The following NRF1 variants were observed in gnomAD, a reference collection of about 807,000 sequenced individuals.
NRF1 encodes nuclear respiratory factor 1, also known as alpha palindromic-binding protein.
In NRF1, 5 loss-of-function variants were observed where a neutral mutation model predicts 58.5. The ratio of observed to expected loss-of-function variants is 0.09; its 90% CI spans 0.04 to 0.18. NRF1 has a LOEUF of 0.18. Ranked by LOEUF, NRF1 falls within the 10% of genes least tolerant of loss-of-function variation. The pLI, the probability that NRF1 is intolerant of heterozygous loss-of-function variation, is 1.00. For synonymous variants in NRF1, 224 were observed against 246.7 expected (o/e 0.91, Z 0.86); for missense variants, 288 against 657.7 (o/e 0.44, Z 6.15).
At chr7:129,737,594 TC>T (rs5887443) in intron 10 of NRF1, among the ~76,000 whole-genome samples, 72,916 of 151,896 alleles carry the variant, frequency 0.48, 18,756 homozygotes, top group Non-Finnish European at 0.58. Context: ...TGTTCCTTGT[TC>T]CCTGGACACA....
intron 10 of NRF1, chr7:129,744,193 G>A: frequency 6.5e-7 from 1 of 1,544,970 alleles, no homozygotes; most frequent in South Asian, 1.2e-5. Flanking sequence ...GGCAGATCGT[G>A]CAGGTCGCAA....
At position 129,756,486 on chromosome 7, in the gene NRF1, GCCT is replaced by G. The variant is rs1804258962; in HGVS notation, c.*1310_*1312del. On this transcript the variant is annotated 3_prime_UTR_variant, in exon 11 of 11. Transcript: ENST00000393232. Reference sequence around the variant, plus strand: ...TCGTGGCCCAGGCCGGGAGCAGCTTGCCTCCTCAGAGGTGTTGACTATCTGGGT... The same window carrying G: ...TCGTGGCCCAGGCCGGGAGCAGCTTGCCTCAGAGGTGTTGACTATCTGGGT... 6.6e-6 allele frequency: 1 copy of G among 152,594 alleles called. No homozygotes were observed. Among genetic ancestry groups the G allele is most frequent in the Non-Finnish European group, 1.5e-5 (1 of 68,096 alleles). The allele number at this position is 152,594 out of a possible 1,614,324, so 9.5% of individuals were successfully genotyped here. A position where few individuals can be genotyped will look rare whatever the true frequency, so the allele number is the denominator to read the frequency against.
At chr7:129,614,566 C>CT (rs1320581613) in intron 1 of NRF1, among the ~76,000 whole-genome samples, 9 of 151,914 alleles carry the variant, frequency 5.9e-5, no homozygotes, top group African/African-American at 1.9e-4. Context: ...ATGCACCCAC[C>CT]TCAGCCTCCC....
At chr7:129,695,701 A>C (rs1802676846) in intron 5 of NRF1, among the ~76,000 whole-genome samples, 1 of 149,860 alleles carries the variant, frequency 6.7e-6, no homozygotes, top group African/African-American at 2.4e-5. Flanking sequence ...CTGGGAACAC[A>C]GAATTGATCT....
chr7:129,666,009 G>T (rs531719687), intron 2 of NRF1, among the ~76,000 whole-genome samples: 32 of 152,290 alleles, frequency 2.1e-4, no homozygotes, highest in Admixed American at 5.2e-4. Context: ...AAAGATTCAC[G>T]TGGTCTATAG....
chr7:129,670,224 G>C (rs1358989039), intron 2 of NRF1, among the ~76,000 whole-genome samples: 1 of 152,194 alleles, frequency 6.6e-6, no homozygotes, highest in Non-Finnish European at 1.5e-5. Context: ...GATGCAAGGG[G>C]AATAAGTTCT....
chr7:129,738,562 G>A (rs1374190769), intron 10 of NRF1, among the ~76,000 whole-genome samples: 5 of 152,228 alleles, frequency 3.3e-5, no homozygotes, highest in Admixed American at 2.0e-4. Context: ...TCAGTCGGCT[G>A]TAATTTTGCC....
intron 7 of NRF1, 28 bp from the exon 8 acceptor site, chr7:129,711,447 C>T (rs780311631): frequency 1.3e-6 from 2 of 1,569,312 alleles, no homozygotes; most frequent in East Asian, 2.3e-5. Flanking sequence ...TCCACTGACA[C>T]TTAACCACTT....
intron 10 of NRF1, among the ~76,000 whole-genome samples, chr7:129,727,951 C>A (rs1803487655): frequency 6.6e-6 from 1 of 152,124 alleles, no homozygotes; most frequent in Admixed American, 6.5e-5. Flanking sequence ...ACTTCCTGGA[C>A]ATTGGTGAAT....
At chr7:129,631,496 A>G (rs1008729279) in intron 1 of NRF1, among the ~76,000 whole-genome samples, 1 of 152,088 alleles carries the variant, frequency 6.6e-6, no homozygotes, top group African/African-American at 2.4e-5. Context: ...TTAAATTCCT[A>G]GCTCAATCAG....
At chr7:129,705,225 G>T (rs1248087081) in intron 5 of NRF1, among the ~76,000 whole-genome samples, 1 of 151,974 alleles carries the variant, frequency 6.6e-6, no homozygotes, top group African/African-American at 2.4e-5. Context: ...TATTATTACT[G>T]TTTTGCAGAT....
intron 6 of NRF1, among the ~76,000 whole-genome samples, chr7:129,709,817 G>T (rs749660349): frequency 6.9e-6 from 1 of 145,720 alleles, no homozygotes; most frequent in Non-Finnish European, 1.5e-5. Flanking sequence ...CGCAACCTCT[G>T]CCTCCCGGGT....
At chr7:129,619,394 GTGTATATATATATATATATATATATATA>G in intron 1 of NRF1, among the ~76,000 whole-genome samples, 1 of 46,630 alleles carries the variant, frequency 2.1e-5, no homozygotes, top group South Asian at 8.3e-4. Context: ...CTTGGCATAC[GTGTATATATATATATATATATATATATA>G]TATATATATA....
chr7:129,618,680 G>GT (rs1800705351), intron 1 of NRF1, among the ~76,000 whole-genome samples: 1 of 152,142 alleles, frequency 6.6e-6, no homozygotes, highest in Non-Finnish European at 1.5e-5. Context: ...GGGTGTCAGT[G>GT]TAAGACCCTG....
chr7:129,716,608 TG>T (rs1803195608), intron 8 of NRF1, among the ~76,000 whole-genome samples: 2 of 152,142 alleles, frequency 1.3e-5, no homozygotes. Flanking sequence ...TGGTGACTCA[TG>T]CCTGTAATCC....
chr7:129,632,775 A>G (rs1801079405), intron 1 of NRF1, among the ~76,000 whole-genome samples: 2 of 152,190 alleles, frequency 1.3e-5, no homozygotes, highest in South Asian at 4.1e-4. Context: ...TGCTGTAGAT[A>G]TTTGATATAA....
intron 1 of NRF1, among the ~76,000 whole-genome samples, chr7:129,615,781 T>C (rs191350089): frequency 1.8e-4 from 27 of 152,352 alleles, no homozygotes; most frequent in Non-Finnish European, 3.4e-4. Context: ...TTACCCACTT[T>C]CTTGGGTTTT....
chr7:129,670,017 C>T (rs1246639451), intron 2 of NRF1, among the ~76,000 whole-genome samples: 1 of 152,182 alleles, frequency 6.6e-6, no homozygotes, highest in Admixed American at 6.5e-5. Context: ...CCCTTAAAAA[C>T]ACAAGGAAAT....
chr7:129,618,949 A>G (rs1419518189), intron 1 of NRF1, among the ~76,000 whole-genome samples: 1 of 152,292 alleles, frequency 6.6e-6, no homozygotes, highest in Non-Finnish European at 1.5e-5. Flanking sequence ...TGACTGCAAC[A>G]TGTCACCTGA....
Sources: allele counts gnomAD v4.1 joint callset (sites outside exome capture counted in the v4.1 genomes callset), GRCh38; gene constraint gnomAD v4.1.1; transcripts MANE v1.5; gene names NCBI Gene and HGNC (gene_info 2026-07-23, HGNC 2026-07-21).